TAF4: variants seen among roughly 807,000 people sequenced by gnomAD.
TAF4 encodes the protein TATA-box binding protein associated factor 4, also known as transcription initiation factor TFIID subunit 4.
TAF4 carries 9 observed loss-of-function variants against 90.3 expected under a neutral mutation model. That is an observed-to-expected ratio of 0.10 (90% CI 0.06 to 0.17). The LOEUF is 0.17. Among genes scored for constraint, TAF4 ranks in the 10% least tolerant of loss-of-function variants. TAF4 has a pLI of 1.00. For synonymous variants in TAF4, 818 were observed against 638.9 expected (o/e 1.28, Z -4.23); for missense variants, 1,351 against 1,370.7 (o/e 0.99, Z 0.23).
At chr20:61,983,190 G>A (rs563063194) in intron 14 of TAF4, among the ~76,000 whole-genome samples, 4 of 151,940 alleles carry the variant, frequency 2.6e-5, no homozygotes, top group East Asian at 3.9e-4. Context: ...CAAACTGCTC[G>A]ACTGCAGCGT....
chr20:62,001,587 G>A (rs1170109837), intron 9 of TAF4, among the ~76,000 whole-genome samples: 4 of 152,186 alleles, frequency 2.6e-5, no homozygotes, highest in Admixed American at 2.6e-4. Flanking sequence ...GGGTCGTTGT[G>A]TCTCGGGGAA....
intron 14 of TAF4, among the ~76,000 whole-genome samples, chr20:61,996,765 C>T (rs1314284265): frequency 1.3e-5 from 2 of 150,176 alleles, no homozygotes; most frequent in Non-Finnish European, 3.0e-5. Context: ...CGCCACTGCG[C>T]TCCCACCTGG....
At chr20:62,063,571 G>A (rs544030503) in intron 1 of TAF4, among the ~76,000 whole-genome samples, 25 of 152,308 alleles carry the variant, frequency 1.6e-4, no homozygotes, top group African/African-American at 5.5e-4. Context: ...AGAACTGCCA[G>A]GCGGAAGTGG....
chr20:62,053,999 C>T (rs992640566), intron 1 of TAF4, among the ~76,000 whole-genome samples: 2 of 152,234 alleles, frequency 1.3e-5, no homozygotes, highest in Non-Finnish European at 2.9e-5. Flanking sequence ...GGGGGGAGCC[C>T]AAGCACTGGA....
intron 2 of TAF4, among the ~76,000 whole-genome samples, chr20:62,013,216 C>T (rs565682855): frequency 3.9e-5 from 6 of 152,354 alleles, no homozygotes; most frequent in Non-Finnish European, 5.9e-5. Flanking sequence ...AATCAATCCT[C>T]GTGCTGCTGG....
At chr20:62,030,005 T>C (rs548641375) in intron 1 of TAF4, among the ~76,000 whole-genome samples, 27 of 152,238 alleles carry the variant, frequency 1.8e-4, no homozygotes, top group African/African-American at 6.3e-4. Context: ...CGCAGGGGCA[T>C]GGTCACGGTG....
intron 1 of TAF4, among the ~76,000 whole-genome samples, chr20:62,055,652 C>T (rs752318337): frequency 9.2e-5 from 14 of 152,230 alleles, no homozygotes; most frequent in Non-Finnish European, 1.8e-4. Flanking sequence ...GGGACCCCTG[C>T]ATCTACTCTT....
rs1169570875 is a variant in TAF4, at chr20:61,998,171, G to C, written c.2935C>G (p.Pro979Ala). Residue 979 changes from proline to alanine, a missense_variant, in exon 13 of 15, where the codon CCA (proline) becomes GCA (alanine). Pro to Ala is a conservative substitution (Grantham distance 27). This residue lies in a region of TAF4 where 18 missense variants were observed against 60.0 expected (regional missense o/e 0.30). Coordinates refer to ENST00000252996, the MANE Select transcript of TAF4 (RefSeq NM_003185.4). ...AAKSRSRQED[P>A]EQLRLKQKAK... ...TTCTGTTTCAGCCTTAACTGTTCTG[G>C]ATCTTCTTGTCTTGACCGAGACTAT... 1.2e-6 allele frequency: 2 copies of C among 1,613,804 alleles called. No individual in the cohort carries two copies. Among genetic ancestry groups the C allele is most frequent in the African/African-American group, 2.7e-5 (2 of 74,898 alleles).
rs28382113 is a variant in TAF4 at position 61,999,259 on chromosome 20, G to A, written c.2788-151C>T. 1.2e-3 allele frequency: 1,172 copies of A among 999,664 alleles called. 23 individuals carry two copies. The South Asian group carries it at 0.018, about 15-fold the overall frequency. 61.9% of individuals were successfully genotyped at this position (999,664 alleles called of 1,614,324 possible). On this transcript the variant is annotated intron_variant, in intron 11 of 14. Transcript: ENST00000252996. ...ACCCGATCCCTCCCACCCTGCAAAT[G>A]CTGCGCCCGAGAGCTCTATCGATGC...
Position 62,065,209 on chromosome 20 carries a change from C to G in TAF4, c.602G>C (p.Ser201Thr), listed in dbSNP as rs1470854529. 8.5e-7 allele frequency: 1 copy of G among 1,174,528 alleles called. No homozygotes were observed. The highest frequency in any genetic ancestry group is 1.5e-5 in the South Asian group (1 of 68,200). The allele number at this position is 1,174,528 out of a possible 1,614,324, so 72.8% of individuals were successfully genotyped here. ...GPGAAQTLNGSAALLNSHHAA... is the reference protein window; with the variant it reads ...GPGAAQTLNGTAALLNSHHAA... Reference sequence around the variant, plus strand: ...GTGGTGCGAGTTCAGCAGCGCGGCGCTCCCATTCAAAGTTTGCGCGGCGCC... The same window carrying G: ...GTGGTGCGAGTTCAGCAGCGCGGCGGTCCCATTCAAAGTTTGCGCGGCGCC... Residue 201 changes from serine to threonine, a missense_variant, in exon 1 of 15, where the codon AGC becomes ACC. By Grantham distance (58) the Ser-to-Thr change is moderately conservative. This residue lies in a region of TAF4 where 782 missense variants were observed against 536.6 expected (regional missense o/e 1.46). Transcript: ENST00000252996.
intron 1 of TAF4, among the ~76,000 whole-genome samples, chr20:62,018,608 TTCTG>T (rs947624106): frequency 6.6e-5 from 10 of 152,002 alleles, no homozygotes; most frequent in African/African-American, 1.9e-4. Flanking sequence ...GGGCGGAGGG[TTCTG>T]TCTGAGAGCT....
At chr20:62,024,511 G>T (rs1346970442) in intron 1 of TAF4, among the ~76,000 whole-genome samples, 1 of 152,206 alleles carries the variant, frequency 6.6e-6, no homozygotes, top group African/African-American at 2.4e-5. Context: ...AGACTCTTTA[G>T]AAAGCATCCA....
intron 1 of TAF4, among the ~76,000 whole-genome samples, chr20:62,047,527 C>T (rs6142935): frequency 0.11 from 17,294 of 152,154 alleles, 1,339 homozygotes; most frequent in East Asian, 0.44. Context: ...CTCCCCACCC[C>T]CGCACAAGAA....
chr20:62,020,605 C>T (rs1041453791), intron 1 of TAF4, among the ~76,000 whole-genome samples: 1 of 152,240 alleles, frequency 6.6e-6, no homozygotes, highest in Non-Finnish European at 1.5e-5. Flanking sequence ...TCAATACCAG[C>T]CCCTCCACCA....
intron 14 of TAF4, among the ~76,000 whole-genome samples, chr20:61,989,820 C>T (rs2055619521): frequency 6.6e-6 from 1 of 152,200 alleles, no homozygotes; most frequent in Admixed American, 6.5e-5. Context: ...AATAAACCAA[C>T]GAGGAGGGGC....
intron 14 of TAF4, among the ~76,000 whole-genome samples, chr20:61,986,916 G>A (rs1448260618): frequency 6.6e-6 from 1 of 152,250 alleles, no homozygotes; most frequent in African/African-American, 2.4e-5. Context: ...GCCTCCACTG[G>A]CAGCGTCCTT....
chr20:62,014,466 C>A, intron 2 of TAF4, 81 bp downstream of exon 2: 1 of 1,464,570 alleles, frequency 6.8e-7, no homozygotes, highest in Non-Finnish European at 9.1e-7. Flanking sequence ...TGTGCCTGGC[C>A]CTTGCAGGTT....
At chr20:62,062,358 AAAG>A (rs538342582) in intron 1 of TAF4, among the ~76,000 whole-genome samples, 15 of 152,354 alleles carry the variant, frequency 9.8e-5, no homozygotes, top group African/African-American at 3.6e-4. Flanking sequence ...GTACTGTTCA[AAAG>A]AAGGTACTCT....
At chr20:61,998,338 G>C in intron 12 of TAF4, 146 bp from the exon 13 acceptor site, 2 of 811,006 alleles carry the variant, frequency 2.5e-6, no homozygotes, top group Admixed American at 3.3e-5. Flanking sequence ...TATAGCCAAA[G>C]ATGAAAATTT....
Sources: allele counts gnomAD v4.1 joint callset (sites outside exome capture counted in the v4.1 genomes callset), GRCh38; gene constraint gnomAD v4.1.1; regional missense constraint gnomAD v4.1.1; transcripts MANE v1.5; gene names NCBI Gene and HGNC (gene_info 2026-07-23, HGNC 2026-07-21).